The following RPS6KA1 variants were observed in gnomAD, a reference collection of about 807,000 sequenced individuals.
RPS6KA1 encodes the protein ribosomal protein S6 kinase alpha-1.
In RPS6KA1, 48 loss-of-function variants were observed where a neutral mutation model predicts 91.3. The ratio of observed to expected loss-of-function variants is 0.53; its 90% CI spans 0.42 to 0.67. RPS6KA1 has a LOEUF of 0.67. RPS6KA1 is among the 30% of genes least tolerant of loss of function. The probability of loss-of-function intolerance (pLI) is 0.00; values close to 1 mark genes in which losing one functional copy is unlikely to be tolerated. For synonymous variants in RPS6KA1, 359 were observed against 384.7 expected, an observed-to-expected ratio of 0.93 and a Z score of 0.78; for missense variants, 719 against 960.5, an observed-to-expected ratio of 0.75 and a Z score of 3.32.
chr1:26,546,791 G>C, intron 2 of RPS6KA1, 76 bp from the exon 3 acceptor site: 3 of 1,093,832 alleles, frequency 2.7e-6, no homozygotes, highest in Non-Finnish European at 4.2e-6. Context: ...GGTCTGGTGG[G>C]AATGGACTTG....
At position 26,575,021 on chromosome 1, in the gene RPS6KA1, T is replaced by C. The variant is rs1288520740; in HGVS notation, c.*820T>C. The C allele has an allele frequency of 6.4e-6, 1 of 155,588 alleles. No homozygotes were observed. 9.6% of individuals were successfully genotyped at this position (155,588 alleles called of 1,614,324 possible). A position where few individuals can be genotyped will look rare whatever the true frequency, so the allele number is the denominator to read the frequency against. On this transcript the variant is annotated 3_prime_UTR_variant, in exon 22 of 22. Transcript: ENST00000374168. This position sits in a 1 kb window ranked among gnomAD's most constrained non-coding sequence, Gnocchi z 4.1. ...ATGGCCTTTCTAATAAACTGTTGAG[T>C]TGAAGCACGCTCTCCTGCACTCTTC...
chr1:26,551,581 G>C lies in RPS6KA1; in HGVS notation c.389-63G>C, dbSNP rs2076050492. On this transcript the variant is annotated intron_variant, in intron 5 of 21. Coordinates refer to ENST00000374168, the MANE Select transcript of RPS6KA1 (RefSeq NM_002953.4). The surrounding 1 kb of genome is among the most constrained non-coding windows in gnomAD (Gnocchi z 4.5). ...CCTGCCTGGCAGGCCAAGGGAGCCA[G>C]GGCCGGAGAAGCAGATCATAAGGCC... The C allele has an allele frequency of 6.3e-7, 1 of 1,596,744 alleles. No homozygotes were observed. The highest frequency in any genetic ancestry group is 1.3e-5 in the African/African-American group (1 of 74,688).
chr1:26,542,898 T>C lies in RPS6KA1; in HGVS notation c.109-3969T>C, dbSNP rs193012353. Among the ~76,000 whole-genome samples, 4 of 152,310 alleles carry C rather than the reference T, an allele frequency of 2.6e-5. No homozygotes were observed. The East Asian group carries it at 7.7e-4, about 29-fold the overall frequency. On this transcript the variant is annotated intron_variant, in intron 2 of 21. Transcript: ENST00000374168. ...CACTGCGTTATCGCCTTGTGACTTT[T>C]GTCTCTGCTCTTGTCTCTCCTCCTT...
chr1:26,552,717 C>T (rs902942796), intron 6 of RPS6KA1: 2 of 233,872 alleles, frequency 8.6e-6, no homozygotes, highest in African/African-American at 4.7e-5. Context: ...GAACTCCTGA[C>T]CTCGGGTGAT....
intron 17 of RPS6KA1, among the ~76,000 whole-genome samples, chr1:26,567,288 A>G (rs529206449): frequency 2.0e-5 from 3 of 151,864 alleles, no homozygotes; most frequent in African/African-American, 7.2e-5. Flanking sequence ...AGCCTCCCAA[A>G]CTGCTGAGAT....
chr1:26,554,419 C>T lies in RPS6KA1; in HGVS notation c.613+168C>T. On this transcript the variant is annotated intron_variant, in intron 8 of 21. Transcript: ENST00000374168. This position sits in a 1 kb window ranked among gnomAD's most constrained non-coding sequence, Gnocchi z 4.6. ...CTTGGAACACCCTCAGCTGGAATCC[C>T]AGCCCCTCATTGTGTAACGTTGAGC... 1.8e-6 allele frequency: 2 copies of T among 1,119,390 alleles called. No individual in the cohort carries two copies. The highest frequency in any genetic ancestry group is 2.6e-6 in the Non-Finnish European group (2 of 774,326). 69.3% of individuals were successfully genotyped at this position (1,119,390 alleles called of 1,614,324 possible). A position where few individuals can be genotyped will look rare whatever the true frequency, so the allele number is the denominator to read the frequency against.
Position 26,546,002 on chromosome 1 carries a change from C to A in RPS6KA1, c.109-865C>A, listed in dbSNP as rs775579776. 1.9e-6 allele frequency: 3 copies of A among 1,611,794 alleles called. No homozygotes were observed. The South Asian group carries it at 3.3e-5, about 18-fold the overall frequency. ...GGATCAGCCAGACCTCTCTGCCTGT[C>A]CCTGGCCCTGGCTCTGGCCCCCAGC... On this transcript the variant is annotated intron_variant, in intron 2 of 21. Coordinates refer to ENST00000374168, the MANE Select transcript of RPS6KA1 (RefSeq NM_002953.4).
Position 26,554,478 on chromosome 1 carries a change from C to T in RPS6KA1, c.614-118C>T. ...TGACCTCTCTGGGCCTTAGCTTCCT[C>T]CTGAGTGTCATGGGGGTGATGCCTT... is the stretch of plus-strand genomic sequence containing the variant. On this transcript the variant is annotated intron_variant, in intron 8 of 21. Transcript: ENST00000374168. This position sits in a 1 kb window ranked among gnomAD's most constrained non-coding sequence, Gnocchi z 4.6. 2 of 1,372,724 alleles carry T rather than the reference C, an allele frequency of 1.5e-6. No individual in the cohort carries two copies. The highest frequency in any genetic ancestry group is 2.0e-6 in the Non-Finnish European group (2 of 997,010). 85.0% of individuals were successfully genotyped at this position (1,372,724 alleles called of 1,614,324 possible).
Position 26,555,422 on chromosome 1 carries a change from G to C in RPS6KA1, c.828-115G>C. 1 of 1,144,866 alleles carries C rather than the reference G, an allele frequency of 8.7e-7. No homozygotes were observed. The highest frequency in any genetic ancestry group is 2.6e-5 in the East Asian group (1 of 38,730). The allele number at this position is 1,144,866 out of a possible 1,614,324, so 70.9% of individuals were successfully genotyped here. A position where few individuals can be genotyped will look rare whatever the true frequency, so the allele number is the denominator to read the frequency against. On this transcript the variant is annotated intron_variant, in intron 10 of 21. Coordinates refer to ENST00000374168, the MANE Select transcript of RPS6KA1 (RefSeq NM_002953.4). This position sits in a 1 kb window ranked among gnomAD's most constrained non-coding sequence, Gnocchi z 4.3. The stretch of plus-strand genomic sequence containing the variant: ...AGGATCCCTGAAGCCTTTGGGAAGT[G>C]AATTAGTGGATGGCTTGTCTAGACT...
intron 17 of RPS6KA1, among the ~76,000 whole-genome samples, chr1:26,566,078 A>G (rs751267082): frequency 6.6e-6 from 1 of 152,228 alleles, no homozygotes; most frequent in African/African-American, 2.4e-5. Context: ...TGTTGATTGT[A>G]TACCTAGCAA....
chr1:26,541,609 C>G (rs1276847725), intron 2 of RPS6KA1, among the ~76,000 whole-genome samples: 1 of 152,242 alleles, frequency 6.6e-6, no homozygotes, highest in Non-Finnish European at 1.5e-5. Context: ...AGGAGGCACA[C>G]TTACCATCAT....
In RPS6KA1 at chr1:26,567,955, C is replaced by T. The variant is rs556560270; in HGVS notation, c.1591-3494C>T. ...AGCCAGGATTCACACCCTGGCCTGC[C>T]CGACTCCTTCCTGTGACTGGAATCC... On this transcript the variant is annotated intron_variant, in intron 17 of 21. Transcript: ENST00000374168. Among the ~76,000 whole-genome samples, 38 of 152,302 alleles carry T rather than the reference C, an allele frequency of 2.5e-4. No homozygotes were observed. In the South Asian group the frequency reaches 5.4e-3, roughly 22 times the overall value.
chr1:26,535,735 T>C (rs2075901432), intron 1 of RPS6KA1, among the ~76,000 whole-genome samples: 1 of 152,114 alleles, frequency 6.6e-6, no homozygotes, highest in Admixed American at 6.6e-5. Flanking sequence ...GACCAGATTT[T>C]GAATCCCCAC....
In RPS6KA1 at chr1:26,547,444, C is replaced by T. The variant is rs369590434; in HGVS notation, c.307+174C>T. ...TCCCTCGCCAGCCAATCCTCCTCCC[C>T]CTAAGCCAAGTGCTAGTGACTGGCT... On this transcript the variant is annotated intron_variant, in intron 4 of 21. Transcript: ENST00000374168. The surrounding 1 kb of genome is among the most constrained non-coding windows in gnomAD (Gnocchi z 4.1). 23 of 602,744 alleles carry T rather than the reference C, an allele frequency of 3.8e-5. No homozygotes were observed. Among genetic ancestry groups the T allele is most frequent in the East Asian group, 5.7e-5 (2 of 35,084 alleles). 37.3% of individuals were successfully genotyped at this position (602,744 alleles called of 1,614,324 possible).
In RPS6KA1 at chr1:26,551,177, G is replaced by A. The variant is rs531066663; in HGVS notation, c.308-220G>A. 2.6e-5 allele frequency among the ~76,000 whole-genome samples: 4 copies of A among 152,290 alleles called. No individual in the cohort carries two copies. In the South Asian group the frequency reaches 8.3e-4, roughly 32 times the overall value. On this transcript the variant is annotated intron_variant, in intron 4 of 21. Transcript: ENST00000374168. This position sits in a 1 kb window ranked among gnomAD's most constrained non-coding sequence, Gnocchi z 4.5. ...CAGGGTGCCAAGGCCCCAGCTGTGGGCACTGCTGTGAGGGGTGGGGACAAG... is the reference window on the plus strand; with the variant it reads ...CAGGGTGCCAAGGCCCCAGCTGTGGACACTGCTGTGAGGGGTGGGGACAAG...
rs374479837 is a variant in RPS6KA1, at chr1:26,551,504, C to T, written c.388+27C>T. The T allele has an allele frequency of 1.1e-4, 173 of 1,611,336 alleles. No homozygotes were observed. The highest frequency in any genetic ancestry group is 1.4e-4 in the Non-Finnish European group (160 of 1,177,590). On this transcript the variant is annotated intron_variant, in intron 5 of 21. Coordinates refer to ENST00000374168, the MANE Select transcript of RPS6KA1 (RefSeq NM_002953.4). The surrounding 1 kb of genome is among the most constrained non-coding windows in gnomAD (Gnocchi z 4.5). ...TAAAGCTTCTGGCCCTGCCTGAGCT[C>T]CTACCCCACCCATCCTTCGCCCTTG...
At chr1:26,545,349 T>TG (rs397860533) in intron 2 of RPS6KA1, among the ~76,000 whole-genome samples, 1 of 149,670 alleles carries the variant, frequency 6.7e-6, no homozygotes, top group African/African-American at 2.5e-5. Context: ...TTTTTTTTTT[T>TG]GTATTTTTAG....
At chr1:26,572,395 A>G in intron 20 of RPS6KA1, 102 bp downstream of exon 20, 3 of 764,886 alleles carry the variant, frequency 3.9e-6, no homozygotes, top group South Asian at 1.5e-5. Flanking sequence ...CTCCAAGCGG[A>G]TGTTCCACAA....
Position 26,554,657 on chromosome 1 carries a change from A to G in RPS6KA1, c.675A>G (p.Thr225=), listed in dbSNP as rs367795872. 3.1e-6 allele frequency: 5 copies of G among 1,613,890 alleles called. 1 individual carries two copies. Among genetic ancestry groups the G allele is most frequent in the Admixed American group, 1.7e-5 (1 of 60,002 alleles). The change falls in exon 9 of 22, where the codon ACA becomes ACG. Residue 225 remains threonine, a synonymous_variant. Transcript: ENST00000374168. The surrounding 1 kb of genome is among the most constrained non-coding windows in gnomAD (Gnocchi z 4.6). ...HEKKAYSFCG[T]VEYMAPEVVN... ...AGAAGGCCTATTCTTTCTGCGGGAC[A>G]GTGGAGTACATGGCCCCTGAGGTCG...
Sources: allele counts gnomAD v4.1 joint callset (sites outside exome capture counted in the v4.1 genomes callset), GRCh38; gene constraint gnomAD v4.1.1; non-coding constraint Gnocchi (gnomAD v3.1); transcripts MANE v1.5; gene names NCBI Gene and HGNC (gene_info 2026-07-23, HGNC 2026-07-21).